Variants in SLCO6A1 observed in about 807,000 individuals in gnomAD.
SLCO6A1 encodes cancer/testis antigen 48.
A neutral mutation model predicts 72.7 loss-of-function variants in SLCO6A1; 65 were observed. The ratio of observed to expected loss-of-function variants is 0.89; its 90% CI spans 0.73 to 1.10. The LOEUF (loss-of-function observed/expected upper bound fraction) is 1.10, where lower values mean the gene tolerates loss of function less well. Among genes scored for constraint, SLCO6A1 ranks in the 50% least tolerant of loss-of-function variants. The pLI is 0.00. For missense variants in SLCO6A1, 874 were observed against 872.6 expected (o/e 1.00, Z -0.02); for synonymous variants, 314 against 298.2 (o/e 1.05, Z -0.55).
intron 10 of SLCO6A1, among the ~76,000 whole-genome samples, chr5:102,397,451 C>T (rs548017982): frequency 1.3e-5 from 2 of 152,240 alleles, no homozygotes; most frequent in African/African-American, 4.8e-5. Context: ...CTTTTACTGC[C>T]AGCCCAGGGT....
At chr5:102,408,318 T>C (rs1270292878) in intron 9 of SLCO6A1, among the ~76,000 whole-genome samples, 2 of 151,976 alleles carry the variant, frequency 1.3e-5, no homozygotes, top group Admixed American at 6.6e-5. Flanking sequence ...ATTTAAATTA[T>C]GGATGCAGGG....
intron 13 of SLCO6A1, 54 bp downstream of exon 13, chr5:102,373,282 TA>T (rs1750725030): frequency 8.7e-7 from 1 of 1,143,080 alleles, no homozygotes; most frequent in African/African-American, 1.6e-5. Context: ...ATTATTACTT[TA>T]AATTTTATTA....
intron 6 of SLCO6A1, among the ~76,000 whole-genome samples, chr5:102,442,829 C>T (rs1439494066): frequency 3.3e-5 from 5 of 152,086 alleles, no homozygotes; most frequent in African/African-American, 4.8e-5. Flanking sequence ...TTTGGGAGGC[C>T]GAGGTGGGCG....
At chr5:102,421,846 G>A (rs971314733) in intron 7 of SLCO6A1, among the ~76,000 whole-genome samples, 35 of 152,176 alleles carry the variant, frequency 2.3e-4, no homozygotes, top group African/African-American at 8.2e-4. Context: ...CCCAGCAGGG[G>A]TCAGCAGACA....
chr5:102,449,646 A>G (rs1182537531), intron 6 of SLCO6A1, among the ~76,000 whole-genome samples: 1 of 152,160 alleles, frequency 6.6e-6, no homozygotes, highest in African/African-American at 2.4e-5. Flanking sequence ...TCGGCCCCCC[A>G]AAGTGCTGGG....
intron 9 of SLCO6A1, among the ~76,000 whole-genome samples, chr5:102,408,350 G>A (rs1024194444): frequency 1.0e-5 from 1 of 97,930 alleles, no homozygotes; most frequent in African/African-American, 3.9e-5. Flanking sequence ...TTATTATGTA[G>A]CAATAATAAA....
intron 12 of SLCO6A1, among the ~76,000 whole-genome samples, chr5:102,378,923 G>A (rs1358027944): frequency 6.6e-6 from 1 of 151,932 alleles, no homozygotes; most frequent in Non-Finnish European, 1.5e-5. Context: ...TGGGGTTACA[G>A]GTGCCCGCCA....
chr5:102,472,387 T>G (rs1376384446), intron 4 of SLCO6A1, among the ~76,000 whole-genome samples: 2 of 152,064 alleles, frequency 1.3e-5, no homozygotes, highest in Non-Finnish European at 2.9e-5. Flanking sequence ...CTATTCTTCG[T>G]TATCTCAGTT....
At chr5:102,483,078 T>C (rs148270825) in intron 1 of SLCO6A1, among the ~76,000 whole-genome samples, 103 of 152,282 alleles carry the variant, frequency 6.8e-4, no homozygotes, top group Non-Finnish European at 1.2e-3. Flanking sequence ...TAAGACCCCA[T>C]TGAACAAGAG....
intron 12 of SLCO6A1, among the ~76,000 whole-genome samples, chr5:102,377,375 C>T (rs547158390): frequency 5.1e-4 from 77 of 152,002 alleles, no homozygotes; most frequent in African/African-American, 1.7e-3. Flanking sequence ...AAGATACACA[C>T]GTAGAAGAGT....
chr5:102,477,733 G>A lies in SLCO6A1; in HGVS notation c.745C>T (p.Leu249Phe), dbSNP rs1230978461. 1 of 1,613,438 alleles carries A rather than the reference G, an allele frequency of 6.2e-7. No individual in the cohort carries two copies. The highest frequency in any genetic ancestry group is 2.2e-5 in the East Asian group (1 of 44,842). The change falls in exon 3 of 14, where the codon CTT (leucine) becomes TTT (phenylalanine). Residue 249 changes from leucine (L) to phenylalanine (F), a missense_variant. Coordinates refer to ENST00000506729, the MANE Select transcript of SLCO6A1 (RefSeq NM_173488.5). ...QGIAGMPLYI[L>F]GITFIDENVA... ...TTCTCATCAATAAAGGTTATTCCAAGGATATAAAGAGGCATTCCTGCTATT... is the reference window on the plus strand; with the variant it reads ...TTCTCATCAATAAAGGTTATTCCAAAGATATAAAGAGGCATTCCTGCTATT...
At chr5:102,382,505 T>C (rs1483050401) in intron 12 of SLCO6A1, among the ~76,000 whole-genome samples, 2 of 151,436 alleles carry the variant, frequency 1.3e-5, no homozygotes, top group Admixed American at 6.6e-5. Flanking sequence ...TTTTTTTTTT[T>C]TCTATTGCTG....
chr5:102,382,983 T>G (rs1387674123), intron 12 of SLCO6A1, among the ~76,000 whole-genome samples: 1 of 148,858 alleles, frequency 6.7e-6, no homozygotes, highest in East Asian at 1.9e-4. Context: ...ATATGAGAGA[T>G]ATATATATGT....
chr5:102,425,736 C>A (rs896512630), intron 7 of SLCO6A1, among the ~76,000 whole-genome samples: 1 of 152,138 alleles, frequency 6.6e-6, no homozygotes. Context: ...ATCAAACTAC[C>A]ATTGACTTTA....
intron 8 of SLCO6A1, among the ~76,000 whole-genome samples, chr5:102,414,946 A>G (rs2112596258): frequency 6.6e-6 from 1 of 151,952 alleles, no homozygotes; most frequent in Non-Finnish European, 1.5e-5. Context: ...TAAATTAATT[A>G]ATAAGGCAAG....
intron 6 of SLCO6A1, among the ~76,000 whole-genome samples, chr5:102,440,176 C>T (rs1183340483): frequency 1.3e-5 from 2 of 152,094 alleles, no homozygotes; most frequent in East Asian, 1.9e-4. Flanking sequence ...AGCAAACAAG[C>T]CTTCAGATGG....
chr5:102,479,097 C>T lies in SLCO6A1; in HGVS notation c.616+1080G>A, dbSNP rs569179037. On this transcript the variant is annotated intron_variant, in intron 2 of 13. Coordinates refer to ENST00000506729, the MANE Select transcript of SLCO6A1 (RefSeq NM_173488.5). The stretch of plus-strand genomic sequence containing the variant: ...CCTAATCTCATGTGGAATTGTAATT[C>T]CCAATGTTGCGGGAGGGACCTGGTG... 2.8e-4 allele frequency among the ~76,000 whole-genome samples: 43 copies of T among 152,224 alleles called. 1 individual carries two copies. The highest frequency in any genetic ancestry group is 1.7e-3 in the Admixed American group (26 of 15,282).
chr5:102,481,707 A>C (rs537212478), intron 1 of SLCO6A1, among the ~76,000 whole-genome samples: 1 of 152,224 alleles, frequency 6.6e-6, no homozygotes, highest in Non-Finnish European at 1.5e-5. Context: ...GCTTCTGCCT[A>C]ATGTATCACA....
chr5:102,482,438 C>G lies in SLCO6A1; in HGVS notation c.359-2004G>C, dbSNP rs564936998. ...TAGCTTCCTTCTTCTACTATTCACTCGCTCTTCTACCCCTTGATCGCAGAT... is the reference window on the plus strand; with the variant it reads ...TAGCTTCCTTCTTCTACTATTCACTGGCTCTTCTACCCCTTGATCGCAGAT... On this transcript the variant is annotated intron_variant, in intron 1 of 13. Coordinates refer to ENST00000506729, the MANE Select transcript of SLCO6A1 (RefSeq NM_173488.5). 5.3e-5 allele frequency among the ~76,000 whole-genome samples: 8 copies of G among 152,264 alleles called. No individual in the cohort carries two copies. In the South Asian group the frequency reaches 1.2e-3, roughly 24 times the overall value.
Sources: gnomAD v4.1 joint callset for allele counts (sites outside exome capture counted in the v4.1 genomes callset) on GRCh38, gnomAD v4.1.1 for gene constraint, MANE v1.5 for transcripts, NCBI Gene and HGNC (gene_info 2026-07-23, HGNC 2026-07-21) for gene names.